PCDH9: variants seen among roughly 807,000 people sequenced by gnomAD.
PCDH9 encodes the protein protocadherin-9.
A neutral mutation model predicts 70.6 loss-of-function variants in PCDH9; 24 were observed. The observed-to-expected ratio is 0.34, with a 90% CI of 0.25 to 0.48. The LOEUF is 0.48. PCDH9 is among the 20% of genes least tolerant of loss of function. The pLI is 0.99. For missense variants in PCDH9, 1,281 were observed against 1,503.6 expected (o/e 0.85, Z 2.45); for synonymous variants, 562 against 558.5 (o/e 1.01, Z -0.09).
At chr13:66,889,153 T>C (rs941050830) in intron 3 of PCDH9, among the ~76,000 whole-genome samples, 4 of 152,224 alleles carry the variant, frequency 2.6e-5, no homozygotes, top group Non-Finnish European at 4.4e-5. Flanking sequence ...TACTATCGTA[T>C]TGAGAAAGTA....
intron 4 of PCDH9, among the ~76,000 whole-genome samples, chr13:66,406,349 T>C (rs2138310305): frequency 6.6e-6 from 1 of 152,300 alleles, no homozygotes. Context: ...CTTCCAGAAT[T>C]GCTGGGAAGT....
intron 3 of PCDH9, among the ~76,000 whole-genome samples, chr13:66,765,751 T>A (rs1007591538): frequency 2.0e-5 from 3 of 152,076 alleles, no homozygotes; most frequent in Non-Finnish European, 4.4e-5. Context: ...TGAGGTCATG[T>A]TTACTTTCAC....
At chr13:66,686,135 A>C (rs1198243191) in intron 3 of PCDH9, among the ~76,000 whole-genome samples, 1 of 152,082 alleles carries the variant, frequency 6.6e-6, no homozygotes, top group Non-Finnish European at 1.5e-5. Flanking sequence ...TCCCCACCCA[A>C]ATCTCATCTT....
At chr13:66,628,954 T>A (rs574093379) in intron 4 of PCDH9, among the ~76,000 whole-genome samples, 138 of 152,352 alleles carry the variant, frequency 9.1e-4, no homozygotes, top group African/African-American at 3.2e-3. Flanking sequence ...CTGCCTTTGC[T>A]TTCTAGTTGA....
intron 4 of PCDH9, among the ~76,000 whole-genome samples, chr13:66,435,598 G>C (rs184796331): frequency 6.6e-6 from 1 of 151,994 alleles, no homozygotes; most frequent in Non-Finnish European, 1.5e-5. Context: ...ACATGCTAAG[G>C]CTTTAATATT....
intron 2 of PCDH9, among the ~76,000 whole-genome samples, chr13:66,931,314 G>T (rs2082804333): frequency 1.3e-5 from 2 of 152,012 alleles, no homozygotes; most frequent in Admixed American, 1.3e-4. Context: ...AAATGTAAAA[G>T]TATTCTCAGA....
intron 3 of PCDH9, among the ~76,000 whole-genome samples, chr13:66,650,740 C>CCTCA (rs376497929): frequency 2.9e-4 from 44 of 152,054 alleles, no homozygotes; most frequent in African/African-American, 1.1e-3. Flanking sequence ...ACATTATTCT[C>CCTCA]CTCAGTACAT....
At chr13:67,144,637 T>C (rs1440261761) in intron 2 of PCDH9, among the ~76,000 whole-genome samples, 1 of 152,156 alleles carries the variant, frequency 6.6e-6, no homozygotes, top group Non-Finnish European at 1.5e-5. Context: ...TATTTTTTCA[T>C]TCACTACTAA....
chr13:67,127,707 T>C (rs1477934356), intron 2 of PCDH9, among the ~76,000 whole-genome samples: 1 of 151,344 alleles, frequency 6.6e-6, no homozygotes, highest in East Asian at 1.9e-4. Flanking sequence ...TGTGTATGTG[T>C]GTGTGTGTAC....
intron 4 of PCDH9, among the ~76,000 whole-genome samples, chr13:66,615,880 A>T (rs2077349248): frequency 6.6e-6 from 1 of 152,214 alleles, no homozygotes. Context: ...TAAAATTTGG[A>T]AACTATCTGT....
At chr13:66,730,008 T>G (rs1476426824) in intron 3 of PCDH9, among the ~76,000 whole-genome samples, 2 of 152,218 alleles carry the variant, frequency 1.3e-5, no homozygotes, top group African/African-American at 4.8e-5. Context: ...GTTTTCTGAA[T>G]GACTGTGATA....
Position 67,227,736 on chromosome 13 carries a change from C to A in PCDH9, c.705G>T (p.Thr235=). Residue 235 remains threonine (T), a synonymous_variant, in exon 2 of 5, where the codon ACG becomes ACT. Coordinates refer to ENST00000377865, the MANE Select transcript of PCDH9 (RefSeq NM_203487.3). The surrounding 1 kb of genome is among the most constrained non-coding windows in gnomAD (Gnocchi z 4.6). ...EDGGTPQKSS[T]AILQVTVSDV... is the part of the protein sequence containing the mutation. ...CACTTACTGTGACCTGCAGTATGGC[C>A]GTACTGGATTTCTGTGGAGTGCCTC... is the stretch of plus-strand genomic sequence containing the variant. The A allele has an allele frequency of 6.2e-7, 1 of 1,613,884 alleles. No individual in the cohort carries two copies. The highest frequency in any genetic ancestry group is 1.3e-5 in the African/African-American group (1 of 75,026).
intron 2 of PCDH9, among the ~76,000 whole-genome samples, chr13:66,989,164 A>G (rs1400170341): frequency 6.6e-6 from 1 of 151,964 alleles, no homozygotes; most frequent in Non-Finnish European, 1.5e-5. Context: ...TAAATATTAT[A>G]TATGTTACAA....
intron 4 of PCDH9, among the ~76,000 whole-genome samples, chr13:66,453,984 T>C (rs1958266334): frequency 6.6e-6 from 1 of 152,002 alleles, no homozygotes; most frequent in Non-Finnish European, 1.5e-5. Context: ...AAATACATAA[T>C]CAGTAACTCT....
intron 3 of PCDH9, among the ~76,000 whole-genome samples, chr13:66,814,954 C>A (rs1278878998): frequency 6.6e-6 from 1 of 151,912 alleles, no homozygotes; most frequent in Non-Finnish European, 1.5e-5. Flanking sequence ...GAAGAAACTA[C>A]GAACAGAGTA....
chr13:66,393,290 T>C (rs1050683831), intron 4 of PCDH9, among the ~76,000 whole-genome samples: 5 of 152,172 alleles, frequency 3.3e-5, no homozygotes, highest in African/African-American at 1.2e-4. Flanking sequence ...GCAAGATAAG[T>C]AATGATTTGT....
At chr13:67,087,459 T>C (rs2086131301) in intron 2 of PCDH9, among the ~76,000 whole-genome samples, 1 of 152,122 alleles carries the variant, frequency 6.6e-6, no homozygotes, top group African/African-American at 2.4e-5. Flanking sequence ...CCTTAAGAAA[T>C]AAATTTTAAT....
chr13:67,038,518 A>T (rs2085051772), intron 2 of PCDH9, among the ~76,000 whole-genome samples: 1 of 152,192 alleles, frequency 6.6e-6, no homozygotes, highest in Non-Finnish European at 1.5e-5. Context: ...GTAATTGCTC[A>T]TAATGTGATA....
chr13:67,058,230 C>A (rs1427090930), intron 2 of PCDH9, among the ~76,000 whole-genome samples: 1 of 152,152 alleles, frequency 6.6e-6, no homozygotes, highest in Admixed American at 6.6e-5. Flanking sequence ...ATCTTTGTGT[C>A]TATGTGTATA....
Sources: allele counts gnomAD v4.1 joint callset (sites outside exome capture counted in the v4.1 genomes callset), GRCh38; gene constraint gnomAD v4.1.1; non-coding constraint Gnocchi (gnomAD v3.1); transcripts MANE v1.5; gene names NCBI Gene and HGNC (gene_info 2026-07-23, HGNC 2026-07-21).